Variants in PCDH15 observed in about 807,000 individuals in gnomAD.
PCDH15 encodes the protein protocadherin-15.
PCDH15 carries 129 observed loss-of-function variants against 178.5 expected under a neutral mutation model. That is an observed-to-expected ratio of 0.72 (90% CI 0.63 to 0.84). The LOEUF (loss-of-function observed/expected upper bound fraction) is 0.84. Ranked by LOEUF, PCDH15 falls within the 40% of genes least tolerant of loss-of-function variation. The pLI is 0.00. For missense variants in PCDH15, 2,230 were observed against 2,099.9 expected, an observed-to-expected ratio of 1.06 and a Z score of -1.21; for synonymous variants, 800 against 732.0, an observed-to-expected ratio of 1.09 and a Z score of -1.50.
At chr10:54,795,557 G>A (rs1951869948) in intron 1 of PCDH15, among the ~76,000 whole-genome samples, 1 of 151,844 alleles carries the variant, frequency 6.6e-6, no homozygotes, top group South Asian at 2.1e-4. Flanking sequence ...GAGCAAATAT[G>A]TATTCTTTCA....
At chr10:54,960,166 C>T (rs917713775) in intron 2 of PCDH15, among the ~76,000 whole-genome samples, 2 of 152,070 alleles carry the variant, frequency 1.3e-5, no homozygotes, top group African/African-American at 4.8e-5. Flanking sequence ...TTATATCAAA[C>T]CTCTCACCTG....
chr10:54,793,725 T>G (rs1253887059), intron 1 of PCDH15, among the ~76,000 whole-genome samples: 1 of 148,328 alleles, frequency 6.7e-6, no homozygotes, highest in Non-Finnish European at 1.5e-5. Flanking sequence ...TATATACACT[T>G]GTGTATATAT....
In PCDH15 at chr10:54,961,132, T is replaced by C. The variant is rs150089250; in HGVS notation, c.-79-63632A>G. 5.2e-3 allele frequency among the ~76,000 whole-genome samples: 798 copies of C among 152,332 alleles called. 3 individuals carry two copies. The highest frequency in any genetic ancestry group is 0.01 in the Middle Eastern group (3 of 294). On this transcript the variant is annotated intron_variant, in intron 2 of 5. Coordinates refer to the PCDH15 transcript ENST00000458638. The stretch of plus-strand genomic sequence containing the variant: ...CACTACAGTGATGCCAGCTGCAGTG[T>C]TGGAGGAGCAGACAGGGGTGCATGC...
intron 2 of PCDH15, among the ~76,000 whole-genome samples, chr10:55,521,064 C>G (rs1211607653): frequency 6.6e-6 from 1 of 151,966 alleles, no homozygotes; most frequent in African/African-American, 2.4e-5. Flanking sequence ...TTGATTACAA[C>G]TGTAAGTTTG....
At chr10:54,284,060 C>T (rs1195944511) in intron 8 of PCDH15, among the ~76,000 whole-genome samples, 1 of 152,062 alleles carries the variant, frequency 6.6e-6, no homozygotes, top group Non-Finnish European at 1.5e-5. Context: ...GTCTTGAACT[C>T]CTGGCCTCAA....
intron 1 of PCDH15, among the ~76,000 whole-genome samples, chr10:54,671,951 C>T (rs1176575846): frequency 6.6e-6 from 1 of 152,046 alleles, no homozygotes; most frequent in Admixed American, 6.6e-5. Context: ...ATTTACAGCC[C>T]CTCCCCATCA....
In PCDH15 at chr10:54,378,706, A is replaced by G; in HGVS notation, c.318+76T>C. On this transcript the variant is annotated intron_variant, in intron 4 of 37. Coordinates refer to ENST00000644397, the MANE Select transcript of PCDH15 (RefSeq NM_001384140.1). ...ACTCAAATTATGTAAATAATTCAAT[A>G]TCATATAAACACACACATAGACATT... The G allele has an allele frequency of 4.1e-6, 6 of 1,463,730 alleles. No individual in the cohort carries two copies. The South Asian group carries it at 5.9e-5, about 14-fold the overall frequency. The allele number at this position is 1,463,730 out of a possible 1,614,324, so 90.7% of individuals were successfully genotyped here. A position where few individuals can be genotyped will look rare whatever the true frequency, so the allele number is the denominator to read the frequency against.
intron 2 of PCDH15, among the ~76,000 whole-genome samples, chr10:55,042,116 G>A (rs1261124402): frequency 6.6e-6 from 1 of 152,046 alleles, no homozygotes; most frequent in East Asian, 1.9e-4. Flanking sequence ...TTTTAGCTAG[G>A]TCTTAACAAA....
chr10:55,537,226 G>A (rs1010166606), intron 2 of PCDH15, among the ~76,000 whole-genome samples: 4 of 151,956 alleles, frequency 2.6e-5, no homozygotes, highest in African/African-American at 9.7e-5. Context: ...ATAAAAATAC[G>A]TATCCCTAAT....
chr10:54,919,887 G>A (rs1429435114), intron 2 of PCDH15, among the ~76,000 whole-genome samples: 1 of 148,942 alleles, frequency 6.7e-6, no homozygotes, highest in African/African-American at 2.6e-5. Flanking sequence ...ATTCTATGAG[G>A]TTTGGGAAAA....
chr10:55,576,261 C>G (rs554089458), intron 2 of PCDH15, among the ~76,000 whole-genome samples: 1 of 152,154 alleles, frequency 6.6e-6, no homozygotes, highest in African/African-American at 2.4e-5. Context: ...GAAAATGTTA[C>G]TAAGTAAATC....
intron 18 of PCDH15, among the ~76,000 whole-genome samples, chr10:54,040,193 G>T (rs2093511715): frequency 6.6e-6 from 1 of 151,910 alleles, no homozygotes; most frequent in South Asian, 2.1e-4. Context: ...GAGATGGTTT[G>T]GCTGTGTTCT....
chr10:54,869,215 C>G (rs1423938029), intron 3 of PCDH15: 2 of 152,074 alleles, frequency 1.3e-5, no homozygotes, highest in African/African-American at 4.8e-5. Context: ...ACAAAGAAGG[C>G]AGGGATTGGA....
At chr10:53,883,384 A>T (rs2080870822) in intron 26 of PCDH15, among the ~76,000 whole-genome samples, 1 of 152,178 alleles carries the variant, frequency 6.6e-6, no homozygotes, top group African/African-American at 2.4e-5. Flanking sequence ...ATCAGGTAAA[A>T]TTATTTAAAG....
chr10:53,908,672 C>A (rs1265966397), intron 25 of PCDH15, among the ~76,000 whole-genome samples: 1 of 152,146 alleles, frequency 6.6e-6, no homozygotes, highest in Non-Finnish European at 1.5e-5. Context: ...GAAGTTTAGT[C>A]TGATTAAAAA....
intron 3 of PCDH15, among the ~76,000 whole-genome samples, chr10:54,888,079 A>G (rs951716593): frequency 3.3e-5 from 5 of 152,154 alleles, no homozygotes; most frequent in Admixed American, 6.6e-5. Context: ...AAAGCATACA[A>G]TTTGACAAGC....
intron 3 of PCDH15, among the ~76,000 whole-genome samples, chr10:54,515,526 C>T (rs534264531): frequency 5.3e-5 from 8 of 152,344 alleles, no homozygotes; most frequent in South Asian, 2.1e-4. Flanking sequence ...AGGAGGCCTG[C>T]GGCCTCTGTA....
intron 2 of PCDH15, among the ~76,000 whole-genome samples, chr10:54,954,842 C>T (rs1838440198): frequency 6.6e-6 from 1 of 151,024 alleles, no homozygotes; most frequent in Non-Finnish European, 1.5e-5. Context: ...TAATTTTGTT[C>T]CTTGACACAA....
intron 2 of PCDH15, among the ~76,000 whole-genome samples, chr10:55,047,118 T>C (rs1004112902): frequency 6.6e-6 from 1 of 151,922 alleles, no homozygotes; most frequent in East Asian, 1.9e-4. Context: ...AAATGTTATC[T>C]GATAAATATT....
Sources: allele counts gnomAD v4.1 joint callset (sites outside exome capture counted in the v4.1 genomes callset), GRCh38; gene constraint gnomAD v4.1.1; transcripts MANE v1.5; gene names NCBI Gene and HGNC (gene_info 2026-07-23, HGNC 2026-07-21).